The following ALK variants were observed in gnomAD, a reference collection of about 807,000 sequenced individuals.
The protein encoded by ALK is ALK receptor tyrosine kinase, also known as ALK tyrosine kinase receptor.
A neutral mutation model predicts 163.1 loss-of-function variants in ALK; 74 were observed. The observed-to-expected ratio is 0.45, with a 90% confidence interval of 0.38 to 0.55. The LOEUF (loss-of-function observed/expected upper bound fraction) is 0.55, where lower values mean the gene tolerates loss of function less well. Among genes scored for constraint, ALK ranks in the 20% least tolerant of loss-of-function variants. The pLI is 0.00. For synonymous variants in ALK, 960 were observed against 843.2 expected (o/e 1.14, Z -2.40); for missense variants, 2,063 against 2,105.3 (o/e 0.98, Z 0.39).
At chr2:29,893,745 G>C (rs551721281) in intron 1 of ALK, among the ~76,000 whole-genome samples, 319 of 152,208 alleles carry the variant, frequency 2.1e-3, no homozygotes, top group Non-Finnish European at 3.7e-3. Flanking sequence ...ATAGAAATTA[G>C]CTTGTTTAAA....
intron 3 of ALK, among the ~76,000 whole-genome samples, chr2:29,553,639 A>G (rs536534032): frequency 2.6e-5 from 4 of 152,290 alleles, no homozygotes; most frequent in African/African-American, 9.6e-5. Flanking sequence ...AAAAAGCTCA[A>G]TATTGCCTAA....
chr2:29,238,329 T>G (rs1279943133), intron 13 of ALK, among the ~76,000 whole-genome samples: 1 of 152,132 alleles, frequency 6.6e-6, no homozygotes, highest in African/African-American at 2.4e-5. Context: ...CCTGAGTAGC[T>G]GGGACTACAG....
chr2:29,752,348 CTTTTTTT>C (rs34424748), intron 1 of ALK, among the ~76,000 whole-genome samples: 5 of 120,972 alleles, frequency 4.1e-5, no homozygotes, highest in Admixed American at 1.6e-4. Context: ...ATTTTCTTTT[CTTTTTTT>C]TTTTTTTTTT....
chr2:29,618,528 G>C (rs548264378), intron 3 of ALK, among the ~76,000 whole-genome samples: 2 of 151,692 alleles, frequency 1.3e-5, no homozygotes, highest in African/African-American at 4.9e-5. Flanking sequence ...GGTGGGGAGA[G>C]GGTCCCCTCC....
At chr2:29,704,254 C>A (rs943679156) in intron 2 of ALK, among the ~76,000 whole-genome samples, 13 of 152,190 alleles carry the variant, frequency 8.5e-5, no homozygotes, top group Non-Finnish European at 1.8e-4. Context: ...TTGTACCCAG[C>A]TCAAGGGAAC....
chr2:29,372,206 C>T (rs1336151450), intron 5 of ALK, among the ~76,000 whole-genome samples: 1 of 152,170 alleles, frequency 6.6e-6, no homozygotes, highest in East Asian at 1.9e-4. Context: ...CCCCAACCCA[C>T]CTGTTGGTAC....
At chr2:29,771,628 G>T (rs1025242771) in intron 1 of ALK, among the ~76,000 whole-genome samples, 2 of 151,882 alleles carry the variant, frequency 1.3e-5, no homozygotes, top group Admixed American at 1.3e-4. Context: ...TCCACCTCCC[G>T]GGTTCATACC....
At chr2:29,901,633 T>C (rs1223993255) in intron 1 of ALK, among the ~76,000 whole-genome samples, 1 of 152,208 alleles carries the variant, frequency 6.6e-6, no homozygotes, top group Admixed American at 6.5e-5. Flanking sequence ...TAAGAAAAGC[T>C]GCAAATCAAA....
At chr2:29,516,980 G>A (rs568800204) in intron 4 of ALK, among the ~76,000 whole-genome samples, 1 of 152,164 alleles carries the variant, frequency 6.6e-6, no homozygotes, top group Non-Finnish European at 1.5e-5. Context: ...TCACACATTC[G>A]CATGACACTA....
intron 2 of ALK, among the ~76,000 whole-genome samples, chr2:29,698,332 G>A (rs1678633100): frequency 6.6e-6 from 1 of 152,188 alleles, no homozygotes; most frequent in Non-Finnish European, 1.5e-5. Context: ...CATGAAACAT[G>A]ACTAATAAGG....
intron 15 of ALK, among the ~76,000 whole-genome samples, chr2:29,229,839 C>T (rs929992030): frequency 1.3e-5 from 2 of 152,186 alleles, no homozygotes; most frequent in African/African-American, 4.8e-5. Flanking sequence ...AGGAACTGCT[C>T]CAAGGTCAGG....
chr2:29,253,584 G>T (rs1664876806), intron 11 of ALK, among the ~76,000 whole-genome samples: 1 of 152,098 alleles, frequency 6.6e-6, no homozygotes. Context: ...TGGATCCCGT[G>T]CCAACAGCAC....
intron 3 of ALK, among the ~76,000 whole-genome samples, chr2:29,674,384 AG>A (rs1473752358): frequency 2.0e-5 from 3 of 151,650 alleles, no homozygotes; most frequent in African/African-American, 4.9e-5. Flanking sequence ...TTTAGCATGA[AG>A]GGTTGTTGAA....
chr2:29,315,862 G>A (rs997748567), intron 8 of ALK, among the ~76,000 whole-genome samples: 3 of 152,130 alleles, frequency 2.0e-5, no homozygotes, highest in Non-Finnish European at 4.4e-5. Context: ...AAGGTCCTTC[G>A]TGGTAGGCAT....
intron 1 of ALK, among the ~76,000 whole-genome samples, chr2:29,899,417 C>T (rs939223021): frequency 5.9e-5 from 9 of 152,194 alleles, no homozygotes; most frequent in Non-Finnish European, 1.2e-4. Flanking sequence ...GGCGGCTACT[C>T]ACCCTGAGGA....
chr2:29,198,020 A>T (rs1408467572), intron 26 of ALK, among the ~76,000 whole-genome samples: 2 of 152,176 alleles, frequency 1.3e-5, no homozygotes, highest in African/African-American at 2.4e-5. Context: ...CATAAATAAC[A>T]TTTGGAATGG....
chr2:29,501,612 C>CCATTTCA (rs1672190952), intron 4 of ALK, among the ~76,000 whole-genome samples: 1 of 152,186 alleles, frequency 6.6e-6, no homozygotes, highest in South Asian at 2.1e-4. Flanking sequence ...GTGGAAAGCT[C>CCATTTCA]CATTTCATCC....
At chr2:29,215,480 G>C (rs1465649475) in intron 23 of ALK, among the ~76,000 whole-genome samples, 1 of 152,176 alleles carries the variant, frequency 6.6e-6, no homozygotes, top group East Asian at 1.9e-4. Context: ...ATGATCTGCT[G>C]TGTGGTAGGT....
chr2:29,737,270 T>C (rs1348109384), intron 1 of ALK, among the ~76,000 whole-genome samples: 1 of 152,132 alleles, frequency 6.6e-6, no homozygotes, highest in Non-Finnish European at 1.5e-5. Flanking sequence ...TATCTTTGCA[T>C]GATTTAATTA....
Sources: allele counts gnomAD v4.1 joint callset (sites outside exome capture counted in the v4.1 genomes callset), GRCh38; gene constraint gnomAD v4.1.1; transcripts MANE v1.5; gene names NCBI Gene and HGNC (gene_info 2026-07-23, HGNC 2026-07-21).